The following CD96 variants were observed in gnomAD, a reference collection of about 807,000 sequenced individuals.
CD96 encodes the protein T-cell surface protein tactile.
Under a neutral mutation model 71.3 loss-of-function variants are expected in CD96, and 70 were observed. The observed-to-expected ratio is 0.98, with a 90% CI of 0.81 to 1.20. CD96 has a LOEUF of 1.20. CD96 is among the 50% of genes most tolerant of loss of function. The pLI, the probability that CD96 is intolerant of heterozygous loss-of-function variation, is 0.00. For missense variants in CD96, 742 were observed against 677.5 expected (o/e 1.10, Z -1.06); for synonymous variants, 248 against 233.0 (o/e 1.06, Z -0.59).
At chr3:111,552,281 T>G (rs530904462) in intron 2 of CD96, among the ~76,000 whole-genome samples, 1 of 152,158 alleles carries the variant, frequency 6.6e-6, no homozygotes, top group Admixed American at 6.5e-5. Context: ...TTTGTCCCCC[T>G]CTTTTCTCTC....
intron 7 of CD96, among the ~76,000 whole-genome samples, chr3:111,603,728 C>T (rs1012439063): frequency 9.2e-5 from 14 of 152,160 alleles, no homozygotes; most frequent in Non-Finnish European, 1.9e-4. Flanking sequence ...CAGAGTTAAG[C>T]ATTGACAGTT....
intron 8 of CD96, chr3:111,612,675 T>C (rs1440129026): frequency 6.5e-6 from 1 of 154,748 alleles, no homozygotes; most frequent in Non-Finnish European, 1.4e-5. Flanking sequence ...CTTCAGACCT[T>C]GAGTCCTGCT....
At chr3:111,574,087 A>G (rs1324924485) in intron 3 of CD96, among the ~76,000 whole-genome samples, 1 of 152,224 alleles carries the variant, frequency 6.6e-6, no homozygotes, top group African/African-American at 2.4e-5. Flanking sequence ...AGAAAAAAGG[A>G]GTAGCAATCA....
chr3:111,593,326 A>G (rs763838996), intron 5 of CD96: 41 of 450,152 alleles, frequency 9.1e-5, no homozygotes, highest in Non-Finnish European at 1.5e-4. Context: ...TAATAGGTAC[A>G]TTTTAGAGTT....
chr3:111,605,778 T>A (rs960688737), intron 7 of CD96, among the ~76,000 whole-genome samples: 2 of 152,208 alleles, frequency 1.3e-5, no homozygotes, highest in Non-Finnish European at 2.9e-5. Flanking sequence ...AGTGACATAA[T>A]GTAAGTAAAA....
intron 4 of CD96, among the ~76,000 whole-genome samples, chr3:111,580,584 A>G (rs1182601325): frequency 1.3e-5 from 2 of 152,306 alleles, no homozygotes; most frequent in Non-Finnish European, 2.9e-5. Context: ...AATTATTTGG[A>G]ATTGTATTGC....
At chr3:111,622,855 C>T (rs1938577358) in intron 8 of CD96, among the ~76,000 whole-genome samples, 1 of 152,210 alleles carries the variant, frequency 6.6e-6, no homozygotes, top group South Asian at 2.1e-4. Context: ...AACCTATACT[C>T]TTTATTTCTT....
intron 10 of CD96, among the ~76,000 whole-genome samples, chr3:111,636,724 G>A (rs1314558400): frequency 6.6e-6 from 1 of 152,204 alleles, no homozygotes; most frequent in African/African-American, 2.4e-5. Flanking sequence ...GACATGTTTT[G>A]TTTTCACAGT....
chr3:111,585,315 C>G lies in CD96; in HGVS notation c.752-8C>G. ...GGTGCCACTAACTATGTTTTATTTGCCTTTAAGCTAAACCAGAAATCCCTG... is the reference window on the plus strand; with the variant it reads ...GGTGCCACTAACTATGTTTTATTTGGCTTTAAGCTAAACCAGAAATCCCTG... On this transcript the variant is annotated splice_region_variant and splice_polypyrimidine_tract_variant and intron_variant, in intron 4 of 13. Coordinates refer to ENST00000352690, the MANE Select transcript of CD96 (RefSeq NM_005816.5). The G allele has an allele frequency of 6.2e-7, 1 of 1,601,012 alleles. No homozygotes were observed. The highest frequency in any genetic ancestry group is 8.6e-7 in the Non-Finnish European group (1 of 1,168,350).
chr3:111,550,917 T>A (rs566289951), intron 2 of CD96, among the ~76,000 whole-genome samples: 8 of 152,272 alleles, frequency 5.3e-5, no homozygotes, highest in Admixed American at 3.9e-4. Flanking sequence ...AGTCTGGGCA[T>A]TAAAAAGTAC....
rs1170521564 is a variant in CD96 at position 111,585,353 on chromosome 3, A to G, written c.782A>G (p.Asn261Ser). 1.9e-6 allele frequency: 3 copies of G among 1,611,014 alleles called. No homozygotes were observed. The highest frequency in any genetic ancestry group is 3.3e-5 in the Admixed American group (2 of 60,012). The change falls in exon 5 of 14, where the codon AAT (asparagine) becomes AGT (serine). Residue 261 changes from asparagine (N) to serine (S), a missense_variant. Physicochemically the swap from Asn to Ser is conservative, Grantham distance 46. Coordinates refer to ENST00000352690, the MANE Select transcript of CD96 (RefSeq NM_005816.5). Reference protein sequence around the residue: ...AKPEIPVIVENNSTDVLVERR... With the variant: ...AKPEIPVIVESNSTDVLVERR... ...CCAGAAATCCCTGTGATTGTGGAAA[A>G]TAACTCCACGGATGTCTTGGTAGAG...
intron 5 of CD96, among the ~76,000 whole-genome samples, chr3:111,589,775 C>T (rs1936890243): frequency 6.6e-6 from 1 of 152,128 alleles, no homozygotes; most frequent in South Asian, 2.1e-4. Context: ...TTTAGTGTGC[C>T]TGTATCCAGG....
intron 7 of CD96, 57 bp from the exon 8 acceptor site, chr3:111,606,643 C>G (rs1937632935): frequency 1.1e-6 from 1 of 896,890 alleles, no homozygotes; most frequent in African/African-American, 1.6e-5. Flanking sequence ...TAAGTCAATA[C>G]TTTATCTTTT....
chr3:111,638,349 C>T (rs1939436420), intron 12 of CD96, among the ~76,000 whole-genome samples, 181 bp downstream of exon 12: 1 of 152,104 alleles, frequency 6.6e-6, no homozygotes. Context: ...ATAATCACAA[C>T]TAAATTTATT....
chr3:111,583,716 T>C (rs1936575826), intron 4 of CD96, among the ~76,000 whole-genome samples: 1 of 152,204 alleles, frequency 6.6e-6, no homozygotes, highest in African/African-American at 2.4e-5. Context: ...AAGCTGCACG[T>C]TGGCCCCTTT....
chr3:111,638,715 G>A (rs1939453502), intron 12 of CD96, among the ~76,000 whole-genome samples: 1 of 152,238 alleles, frequency 6.6e-6, no homozygotes, highest in African/African-American at 2.4e-5. Context: ...TCAACTTCAG[G>A]GGTGTTCACT....
intron 7 of CD96, among the ~76,000 whole-genome samples, chr3:111,604,607 G>T (rs1937573001): frequency 6.6e-6 from 1 of 152,148 alleles, no homozygotes; most frequent in Non-Finnish European, 1.5e-5. Context: ...ACACTATGAG[G>T]CTGAACACCT....
At chr3:111,576,723 A>G (rs1430478577) in intron 3 of CD96, among the ~76,000 whole-genome samples, 2 of 152,204 alleles carry the variant, frequency 1.3e-5, no homozygotes, top group Non-Finnish European at 2.9e-5. Context: ...TTCTTAGAAT[A>G]TAGTAGGTGC....
At chr3:111,661,537 C>T (rs562712458) in intron 14 of CD96, among the ~76,000 whole-genome samples, 9 of 152,302 alleles carry the variant, frequency 5.9e-5, no homozygotes, top group African/African-American at 2.2e-4. Context: ...TTCCAAGATA[C>T]AATGAGGGTA....
Sources: gnomAD v4.1 joint callset for allele counts (sites outside exome capture counted in the v4.1 genomes callset) on GRCh38, gnomAD v4.1.1 for gene constraint, MANE v1.5 for transcripts, NCBI Gene and HGNC (gene_info 2026-07-23, HGNC 2026-07-21) for gene names.